KANK1: variants seen among roughly 807,000 people sequenced by gnomAD.
KANK1 encodes KN motif and ankyrin repeat domains 1, also known as KN motif and ankyrin repeat domain-containing protein 1.
KANK1 carries 109 observed loss-of-function variants against 106.2 expected under a neutral mutation model. The observed-to-expected ratio is 1.03, with a 90% confidence interval of 0.88 to 1.20. KANK1 has a LOEUF of 1.20. Ranked by LOEUF, KANK1 falls within the 50% of genes most tolerant of loss-of-function variation. The pLI, the probability that KANK1 is intolerant of heterozygous loss-of-function variation, is 0.00. For synonymous variants in KANK1, 873 were observed against 652.2 expected (o/e 1.34, Z -5.16); for missense variants, 2,399 against 1,710.7 (o/e 1.40, Z -7.10).
chr9:613,690 A>G (rs539111194), intron 1 of KANK1, among the ~76,000 whole-genome samples: 13 of 152,284 alleles, frequency 8.5e-5, no homozygotes, highest in African/African-American at 3.1e-4. Flanking sequence ...CCTCTTCTCA[A>G]TGTAAATTAA....
chr9:595,838 G>A (rs1826078934), intron 1 of KANK1, among the ~76,000 whole-genome samples: 1 of 151,874 alleles, frequency 6.6e-6, no homozygotes, highest in South Asian at 2.1e-4. Context: ...GAAGATTTAT[G>A]ATGATAGATA....
At chr9:706,804 GC>G in intron 2 of KANK1, 1 of 985,476 alleles carries the variant, frequency 1.0e-6, no homozygotes, top group Non-Finnish European at 1.2e-6. Flanking sequence ...GAACAGTGGG[GC>G]TGATTGTGCC....
chr9:683,112 G>A (rs937404541), intron 2 of KANK1, among the ~76,000 whole-genome samples: 4 of 152,266 alleles, frequency 2.6e-5, no homozygotes, highest in African/African-American at 7.2e-5. Context: ...GGCAGTGTGC[G>A]CCCGTGGTGG....
chr9:533,741 G>A (rs1308695979), intron 1 of KANK1, among the ~76,000 whole-genome samples: 2 of 152,200 alleles, frequency 1.3e-5, no homozygotes, highest in African/African-American at 4.8e-5. Flanking sequence ...TGAGACAGAT[G>A]CAAAGGTCAT....
intron 1 of KANK1, among the ~76,000 whole-genome samples, chr9:545,055 G>T (rs2060847735): frequency 6.7e-6 from 1 of 149,936 alleles, no homozygotes; most frequent in African/African-American, 2.5e-5. Context: ...GGGACAAATG[G>T]CGGCTGAGGA....
At chr9:487,881 C>CTT (rs1187419925) in intron 3 of KANK1, 1 of 152,168 alleles carries the variant, frequency 6.6e-6, no homozygotes, top group Non-Finnish European at 1.5e-5. Context: ...CCCTAAGAGT[C>CTT]TAAGACACAG....
chr9:598,567 G>C (rs1316950816), intron 1 of KANK1, among the ~76,000 whole-genome samples: 2 of 143,022 alleles, frequency 1.4e-5, no homozygotes, highest in Admixed American at 7.1e-5. Context: ...TAAGTCTTTT[G>C]CCTCCTGTGT....
intron 3 of KANK1, among the ~76,000 whole-genome samples, chr9:481,757 TC>T (rs1396449598): frequency 6.6e-6 from 1 of 151,800 alleles, no homozygotes; most frequent in Non-Finnish European, 1.5e-5. Context: ...CTCGGGAGCA[TC>T]GTTTGAGCCC....
intron 1 of KANK1, among the ~76,000 whole-genome samples, chr9:572,248 T>G (rs1316531369): frequency 6.6e-6 from 1 of 150,472 alleles, no homozygotes; most frequent in Non-Finnish European, 1.5e-5. Context: ...CTTAAACTCC[T>G]GGGCTCAAGG....
chr9:563,899 T>C (rs540760726), intron 1 of KANK1, among the ~76,000 whole-genome samples: 14 of 152,282 alleles, frequency 9.2e-5, no homozygotes, highest in Middle Eastern at 3.4e-3. Context: ...AAATATTTGT[T>C]GGAAACCCAA....
At chr9:546,417 G>A (rs10815197) in intron 1 of KANK1, among the ~76,000 whole-genome samples, 46,505 of 151,748 alleles carry the variant, frequency 0.31, 9,186 homozygotes, top group African/African-American at 0.53. Context: ...CCAAACACCA[G>A]TTGTGCTGAG....
chr9:483,296 C>T (rs986181767), intron 3 of KANK1, among the ~76,000 whole-genome samples: 6 of 152,294 alleles, frequency 3.9e-5, no homozygotes, highest in Middle Eastern at 6.8e-3. Context: ...ATTCTCACCA[C>T]ATTTGAATCA....
intron 6 of KANK1, chr9:732,926 C>G (rs1832718819): frequency 4.9e-6 from 1 of 206,150 alleles, no homozygotes; most frequent in Non-Finnish European, 9.8e-6. Context: ...TATTTAAAGA[C>G]ATTTTAATTT....
intron 1 of KANK1, among the ~76,000 whole-genome samples, chr9:563,319 C>G (rs949450997): frequency 6.6e-6 from 1 of 151,614 alleles, no homozygotes; most frequent in African/African-American, 2.4e-5. Flanking sequence ...TTTTTCTGTT[C>G]TTTGTGCATT....
At chr9:671,016 C>A (rs1405162901) in intron 1 of KANK1, among the ~76,000 whole-genome samples, 1 of 128,584 alleles carries the variant, frequency 7.8e-6, no homozygotes, top group Non-Finnish European at 1.6e-5. Context: ...GATTCTCTTT[C>A]ATGAGTTCTG....
Position 667,604 on chromosome 9 carries a change from G to C in KANK1, c.-83-9286G>C, listed in dbSNP as rs78500248. Among the ~76,000 whole-genome samples the C allele has an allele frequency of 4.9e-3, 742 of 151,976 alleles. 12 individuals carry two copies. Among genetic ancestry groups the C allele is most frequent in the African/African-American group, 0.017 (720 of 41,468 alleles). Reference sequence around the variant, plus strand: ...AGTACTGTGTTTACTGTATCCCATAGATTTGGATATGTTGTGTTTCTATTT... The same window carrying C: ...AGTACTGTGTTTACTGTATCCCATACATTTGGATATGTTGTGTTTCTATTT... On this transcript the variant is annotated intron_variant, in intron 1 of 11. Transcript: ENST00000382297.
At chr9:569,144 G>A (rs898520859) in intron 1 of KANK1, among the ~76,000 whole-genome samples, 4 of 152,022 alleles carry the variant, frequency 2.6e-5, no homozygotes, top group Non-Finnish European at 5.9e-5. Flanking sequence ...ACCCAGTCCT[G>A]CCCACCTGCC....
intron 3 of KANK1, among the ~76,000 whole-genome samples, chr9:721,714 A>G (rs1022574931): frequency 1.3e-4 from 20 of 152,304 alleles, no homozygotes; most frequent in Admixed American, 1.2e-3. Context: ...GGTTGGTTCT[A>G]CAGGGACTCC....
intron 1 of KANK1, among the ~76,000 whole-genome samples, chr9:644,217 G>C (rs978200578): frequency 4.0e-5 from 6 of 150,934 alleles, no homozygotes; most frequent in Non-Finnish European, 7.4e-5. Context: ...TGTAGGTCTA[G>C]AGACCGAACT....
Sources: gnomAD v4.1 joint callset for allele counts (sites outside exome capture counted in the v4.1 genomes callset) on GRCh38, gnomAD v4.1.1 for gene constraint, MANE v1.5 for transcripts, NCBI Gene and HGNC (gene_info 2026-07-23, HGNC 2026-07-21) for gene names.